The following RP2 variants were observed in gnomAD, a reference collection of about 807,000 sequenced individuals.
RP2 encodes protein XRP2.
Under a neutral mutation model 20.3 loss-of-function variants are expected in RP2, and 3 were observed. The observed-to-expected ratio is 0.15, with a 90% CI of 0.07 to 0.38. RP2 has a LOEUF of 0.38. RP2 is among the 10% of genes least tolerant of loss of function. The probability of loss-of-function intolerance (pLI) is 1.00; values close to 1 mark genes in which losing one functional copy is unlikely to be tolerated. For synonymous variants in RP2, 75 were observed against 94.8 expected, an observed-to-expected ratio of 0.79 and a Z score of 1.22; for missense variants, 233 against 268.5, an observed-to-expected ratio of 0.87 and a Z score of 0.92.
At chrX:46,845,269 C>G in intron 1 of RP2, among the ~76,000 whole-genome samples, 1 of 111,732 alleles carries the variant, frequency 8.9e-6, no homozygotes, top group Non-Finnish European at 1.9e-5. Context: ...TTGTCCTGTT[C>G]ATTTTCTTAT....
At chrX:46,862,693 C>T (rs1925098760) in intron 3 of RP2, among the ~76,000 whole-genome samples, 1 of 111,470 alleles carries the variant, frequency 9.0e-6, no homozygotes. Flanking sequence ...CAAAAAAACC[C>T]AACAGGATAT....
chrX:46,875,881 G>A (rs1925367190), intron 3 of RP2, among the ~76,000 whole-genome samples: 1 of 111,937 alleles, frequency 8.9e-6, no homozygotes, highest in African/African-American at 3.2e-5. Context: ...GTATTACTGG[G>A]TTGTCATTTC....
At chrX:46,844,531 G>A (rs1556315688) in intron 1 of RP2, among the ~76,000 whole-genome samples, 1 of 111,297 alleles carries the variant, frequency 9.0e-6, no homozygotes, top group African/African-American at 3.3e-5. Context: ...TGGCTGCATA[G>A]TATTCCATGG....
At chrX:46,876,474 G>A (rs1925375548) in intron 3 of RP2, among the ~76,000 whole-genome samples, 1 of 111,147 alleles carries the variant, frequency 9.0e-6, no homozygotes, top group Non-Finnish European at 1.9e-5. Context: ...TATACAGGAG[G>A]ATGTGCATAA....
chrX:46,844,641 A>G lies in RP2; in HGVS notation c.102+7439A>G, dbSNP rs376123692. ...GTGAATAGTGCCGCAATAAACATAC[A>G]TGTGCATGTGTCTTTATAGCAGCAT... On this transcript the variant is annotated intron_variant, in intron 1 of 4. Transcript: ENST00000218340. Among the ~76,000 whole-genome samples, 979 of 111,200 alleles carry G rather than the reference A, an allele frequency of 8.8e-3. 15 individuals carry two copies. Among genetic ancestry groups the G allele is most frequent in the African/African-American group, 0.03 (924 of 30,581 alleles).
intron 1 of RP2, among the ~76,000 whole-genome samples, chrX:46,849,664 A>T (rs1272070391): frequency 2.7e-5 from 3 of 112,224 alleles, no homozygotes; most frequent in Admixed American, 1.9e-4. Flanking sequence ...TATACTACAG[A>T]ACTATTTAGC....
At chrX:46,878,233 C>T (rs897026453) in intron 4 of RP2, among the ~76,000 whole-genome samples, 1 of 109,455 alleles carries the variant, frequency 9.1e-6, no homozygotes, top group African/African-American at 3.3e-5. Flanking sequence ...AAAAATTAGC[C>T]GGGCGTAGTG....
intron 4 of RP2, among the ~76,000 whole-genome samples, chrX:46,878,900 T>C (rs782497603): frequency 9.1e-6 from 1 of 109,502 alleles, no homozygotes; most frequent in African/African-American, 3.3e-5. Context: ...CTATTGAGTA[T>C]TGCTTCATTG....
chrX:46,841,403 C>G (rs1202496034), intron 1 of RP2, among the ~76,000 whole-genome samples: 1 of 112,200 alleles, frequency 8.9e-6, no homozygotes, highest in African/African-American at 3.2e-5. Context: ...GTTCATAACT[C>G]TTTAATTTGC....
intron 1 of RP2, among the ~76,000 whole-genome samples, 195 bp downstream of exon 1, chrX:46,837,397 C>G (rs917925155): frequency 9.0e-6 from 1 of 111,590 alleles, no homozygotes; most frequent in Non-Finnish European, 1.9e-5. Flanking sequence ...GCCCAGAGGG[C>G]TGTGGAGCTC....
chrX:46,852,645 C>T lies in RP2; in HGVS notation c.103-831C>T, dbSNP rs184390143. Reference sequence around the variant, plus strand: ...TCCCCCAGGCTGGAGTGCAGTGGTGCGATCTCGGCTCACTGCAACCTCCAC... The same window carrying T: ...TCCCCCAGGCTGGAGTGCAGTGGTGTGATCTCGGCTCACTGCAACCTCCAC... On this transcript the variant is annotated intron_variant, in intron 1 of 4. Transcript: ENST00000218340. Among the ~76,000 whole-genome samples the T allele has an allele frequency of 6.3e-5, 7 of 110,849 alleles. No individual in the cohort carries two copies. The East Asian group carries it at 8.4e-4, about 13-fold the overall frequency.
rs145319581 is a variant in RP2 at position 46,845,907 on chromosome X, C to T, written c.103-7569C>T. On this transcript the variant is annotated intron_variant, in intron 1 of 4. Coordinates refer to ENST00000218340, the MANE Select transcript of RP2 (RefSeq NM_006915.3). ...CCTCCCAAGTAGTGGAGACAACAGGCGAGTGCCACCATACTCAGCTAATTT... is the reference window on the plus strand; with the variant it reads ...CCTCCCAAGTAGTGGAGACAACAGGTGAGTGCCACCATACTCAGCTAATTT... Among the ~76,000 whole-genome samples the T allele has an allele frequency of 1.5e-4, 17 of 110,250 alleles. No homozygotes were observed. The East Asian group carries it at 2.6e-3, about 17-fold the overall frequency.
intron 3 of RP2, among the ~76,000 whole-genome samples, chrX:46,863,986 A>G (rs1556321323): frequency 8.9e-6 from 1 of 111,968 alleles, no homozygotes; most frequent in Admixed American, 9.5e-5. Flanking sequence ...AAATCTGACT[A>G]ATCCTCAGAA....
In RP2 at chrX:46,854,105, T is replaced by A. The variant is rs1556318753; in HGVS notation, c.732T>A (p.Asp244Glu). 8.3e-7 allele frequency: 1 copy of A among 1,211,444 alleles called. No homozygotes were observed. ...ESCLVVLFAG[D>E]YTIANARKLI... ...GCTTAGTGGTATTATTTGCTGGTGA[T>A]TACACTATTGCAAATGCCAGAAAAC... Residue 244 changes from aspartate (D) to glutamate (E), a missense_variant, in exon 2 of 5, where the codon GAT becomes GAA. By Grantham distance (45) the Asp-to-Glu change is conservative. Coordinates refer to ENST00000218340, the MANE Select transcript of RP2 (RefSeq NM_006915.3).
chrX:46,871,514 T>A (rs1352953249), intron 3 of RP2, among the ~76,000 whole-genome samples: 1 of 112,608 alleles, frequency 8.9e-6, no homozygotes, highest in Non-Finnish European at 1.9e-5. Context: ...ATTGCCCAAG[T>A]GTATTTCTAT....
intron 1 of RP2, among the ~76,000 whole-genome samples, chrX:46,844,845 TTCC>T (rs782343232): frequency 1.8e-5 from 2 of 111,826 alleles, no homozygotes; most frequent in African/African-American, 6.5e-5. Flanking sequence ...CACCTGTTGT[TTCC>T]TGACTTTTTA....
Position 46,859,995 on chromosome X carries a change from G to A in RP2, c.776G>A (p.Gly259Asp). The A allele has an allele frequency of 8.3e-7, 1 of 1,200,144 alleles. No homozygotes were observed. Among genetic ancestry groups the A allele is most frequent in the East Asian group, 3.0e-5 (1 of 33,783 alleles). The change falls in exon 3 of 5, where the codon GGT (glycine) becomes GAT (aspartate). Residue 259 changes from glycine (G) to aspartate (D), a missense_variant. By Grantham distance (94) the Gly-to-Asp change is moderately conservative. Around this residue, in one of 3 missense-constraint regions of RP2, gnomAD observed 118 missense variants for 123.8 expected, o/e 0.95. Transcript: ENST00000218340. ...GAAATTTTATTTTCACAGATGGTTG[G>A]TAAAGGCTTTTTCCTAGTTCAGACA... ...NARKLIDEMV[G>D]KGFFLVQTKE...
At chrX:46,858,487 T>TA (rs1925007406) in intron 2 of RP2, among the ~76,000 whole-genome samples, 1 of 110,907 alleles carries the variant, frequency 9.0e-6, no homozygotes, top group African/African-American at 3.3e-5. Flanking sequence ...TTTTTTTTTT[T>TA]AAAGACAAGG....
rs903030716 is a variant in RP2, at chrX:46,881,789, A to G, written c.*2020A>G. The G allele has an allele frequency of 5.4e-5, 6 of 111,665 alleles. No individual in the cohort carries two copies. In the Admixed American group the frequency reaches 5.8e-4, roughly 11 times the overall value. 9.2% of individuals were successfully genotyped at this position (111,665 alleles called of 1,213,427 possible). A position where few individuals can be genotyped will look rare whatever the true frequency, so the allele number is the denominator to read the frequency against. On this transcript the variant is annotated 3_prime_UTR_variant, in exon 5 of 5. Coordinates refer to ENST00000218340, the MANE Select transcript of RP2 (RefSeq NM_006915.3). ...CGCGCCTGGCCATGATGATATTATT[A>G]AACACCATTATTCACATTTCAAATA...
Sources: allele counts gnomAD v4.1 joint callset (sites outside exome capture counted in the v4.1 genomes callset), GRCh38; gene constraint gnomAD v4.1.1; regional missense constraint gnomAD v4.1.1; transcripts MANE v1.5; gene names NCBI Gene and HGNC (gene_info 2026-07-23, HGNC 2026-07-21).